The following SLC23A3 variants were observed in gnomAD, a reference collection of about 807,000 sequenced individuals.
SLC23A3 encodes the protein E2-binding protein 3.
SLC23A3 carries 41 observed loss-of-function variants against 64.7 expected under a neutral mutation model. That is an observed-to-expected ratio of 0.63 (90% CI 0.49 to 0.82). The LOEUF (loss-of-function observed/expected upper bound fraction) is 0.82, where lower values mean the gene tolerates loss of function less well. Ranked by LOEUF, SLC23A3 falls within the 40% of genes least tolerant of loss-of-function variation. The pLI is 0.00. For synonymous variants in SLC23A3, 281 were observed against 306.8 expected, an observed-to-expected ratio of 0.92 and a Z score of 0.88; for missense variants, 647 against 733.4, an observed-to-expected ratio of 0.88 and a Z score of 1.36.
intron 7 of SLC23A3, among the ~76,000 whole-genome samples, chr2:219,166,522 T>A (rs891142954): frequency 7.9e-4 from 120 of 151,332 alleles, no homozygotes; most frequent in African/African-American, 2.8e-3. Flanking sequence ...ATTTTATTTA[T>A]TTTATTTTAA....
intron 7 of SLC23A3, among the ~76,000 whole-genome samples, chr2:219,167,588 CAAAAAAAAAAAA>C (rs34130254): frequency 1.6e-5 from 1 of 61,082 alleles, no homozygotes; most frequent in East Asian, 6.3e-4. Flanking sequence ...CCTGTCTCTA[CAAAAAAAAAAAA>C]AAAAAAAAAA....
In SLC23A3 at chr2:219,167,963, T is replaced by G. The variant is rs377600430; in HGVS notation, c.880A>C (p.Thr294Pro). 2.1e-5 allele frequency: 34 copies of G among 1,583,920 alleles called. No individual in the cohort carries two copies. Among genetic ancestry groups the G allele is most frequent in the Non-Finnish European group, 2.8e-5 (33 of 1,171,904 alleles). ...SVIPQELSAP[T>P]KAPWIWLPHP... Reference sequence around the variant, plus strand: ...GGCAGCCAAATCCATGGTGCCTTGGTGGGGGCAGACAGTTCCTGGGGGATA... The same window carrying G: ...GGCAGCCAAATCCATGGTGCCTTGGGGGGGGCAGACAGTTCCTGGGGGATA... Residue 294 changes from threonine to proline, a missense_variant, in exon 7 of 12, where the codon ACC becomes CCC. By Grantham distance (38) the Thr-to-Pro change is conservative. Transcript: ENST00000409878.
chr2:219,162,260 G>A (rs768229752), intron 11 of SLC23A3, 39 bp downstream of exon 11: 1 of 1,613,674 alleles, frequency 6.2e-7, no homozygotes, highest in Admixed American at 1.7e-5. Flanking sequence ...ATGGCTTCCT[G>A]GCCACTCCCC....
chr2:219,168,840 G>T lies in SLC23A3; in HGVS notation c.493-7C>A. On this transcript the variant is annotated splice_region_variant and splice_polypyrimidine_tract_variant and intron_variant, in intron 4 of 11. Coordinates refer to ENST00000409878, the MANE Select transcript of SLC23A3 (RefSeq NM_001144889.2). ...CTACCACTGCCCCGGACACCTGGTA[G>T]AAGAGAGGAGAGGATGGAGAGAAAA... 1 of 1,576,862 alleles carries T rather than the reference G, an allele frequency of 6.3e-7. No individual in the cohort carries two copies. The highest frequency in any genetic ancestry group is 8.6e-7 in the Non-Finnish European group (1 of 1,161,914).
intron 5 of SLC23A3, 71 bp downstream of exon 5, chr2:219,168,581 G>T: frequency 6.8e-7 from 1 of 1,468,432 alleles, no homozygotes; most frequent in Non-Finnish European, 9.3e-7. Flanking sequence ...AGGACCAGCA[G>T]TTCTGCCCTC....
chr2:219,165,737 C>T (rs1949999638), intron 7 of SLC23A3, among the ~76,000 whole-genome samples: 1 of 152,260 alleles, frequency 6.6e-6, no homozygotes, highest in African/African-American at 2.4e-5. Context: ...AGGGCCTTTG[C>T]ATATGCAGTT....
intron 8 of SLC23A3, chr2:219,164,623 G>T (rs189807803): frequency 2.3e-4 from 71 of 309,048 alleles, no homozygotes; most frequent in Non-Finnish European, 2.1e-4. Context: ...GCAGTGGTGC[G>T]GTCTCGGCTC....
chr2:219,168,098 C>T, intron 6 of SLC23A3, 54 bp from the exon 7 acceptor site: 3 of 1,570,970 alleles, frequency 1.9e-6, no homozygotes, highest in Non-Finnish European at 2.6e-6. Context: ...CTGAGCCAGC[C>T]TTGCAGGGGT....
intron 10 of SLC23A3, among the ~76,000 whole-genome samples, chr2:219,163,176 C>T (rs1949966740): frequency 6.6e-6 from 1 of 152,220 alleles, no homozygotes; most frequent in Non-Finnish European, 1.5e-5. Context: ...TGTTATTTTC[C>T]TACACATCTC....
intron 6 of SLC23A3, 45 bp downstream of exon 6, chr2:219,168,150 G>A (rs1228724413): frequency 6.2e-6 from 10 of 1,606,998 alleles, no homozygotes; most frequent in African/African-American, 2.7e-5. Flanking sequence ...AGCACTCCAG[G>A]CCAGCCCTTC....
rs1389687140 is a variant in SLC23A3, at chr2:219,161,821, T to G, written c.*88A>C. ...ATGTAATACACACACACATATCCTC[T>G]GCCTACAAGAAAGAACAGTTTGGGA... On this transcript the variant is annotated 3_prime_UTR_variant, in exon 12 of 12. Transcript: ENST00000409878. The G allele has an allele frequency of 9.3e-6, 13 of 1,401,088 alleles. No individual in the cohort carries two copies. The highest frequency in any genetic ancestry group is 1.2e-5 in the Non-Finnish European group (12 of 1,031,068). 86.8% of individuals were successfully genotyped at this position (1,401,088 alleles called of 1,614,324 possible).
intron 5 of SLC23A3, 96 bp downstream of exon 5, chr2:219,168,556 G>A (rs1346784971): frequency 5.7e-5 from 73 of 1,271,142 alleles, no homozygotes; most frequent in Non-Finnish European, 7.8e-5. Flanking sequence ...TATTCCAGTC[G>A]CTGCTGAATC....
chr2:219,165,103 A>G, intron 8 of SLC23A3, 66 bp downstream of exon 8: 1 of 1,523,124 alleles, frequency 6.6e-7, no homozygotes, highest in South Asian at 1.2e-5. Context: ...CAATCGGTGT[A>G]AGTTCCTGTC....
intron 8 of SLC23A3, 150 bp from the exon 9 acceptor site, chr2:219,164,488 C>T (rs1392821997): frequency 6.8e-6 from 4 of 586,632 alleles, no homozygotes; most frequent in Non-Finnish European, 9.2e-6. Context: ...AACGTGCCTC[C>T]TTTCCATCCC....
chr2:219,165,584 C>G (rs1366846720), intron 7 of SLC23A3, among the ~76,000 whole-genome samples, 162 bp from the exon 8 acceptor site: 1 of 152,248 alleles, frequency 6.6e-6, no homozygotes, highest in East Asian at 1.9e-4. Flanking sequence ...CATGCCTTTA[C>G]CATGGTCTAC....
intron 8 of SLC23A3, 51 bp downstream of exon 8, chr2:219,165,118 T>C: frequency 1.3e-6 from 2 of 1,534,406 alleles, no homozygotes; most frequent in South Asian, 1.2e-5. Context: ...CCTGTCCTTC[T>C]TCTTCCCCTC....
intron 7 of SLC23A3, 31 bp from the exon 8 acceptor site, chr2:219,165,453 C>T (rs1003691376): frequency 1.4e-5 from 22 of 1,535,168 alleles, no homozygotes; most frequent in Non-Finnish European, 1.6e-5. Flanking sequence ...ACTTTGGGGC[C>T]AGACTCAAGT....
In SLC23A3 at chr2:219,169,695, G is replaced by A. The variant is rs1950042344; in HGVS notation, c.163-17C>T. The A allele has an allele frequency of 1.2e-6, 2 of 1,613,720 alleles. No homozygotes were observed. Among genetic ancestry groups the A allele is most frequent in the African/African-American group, 2.7e-5 (2 of 74,908 alleles). On this transcript the variant is annotated splice_polypyrimidine_tract_variant and intron_variant, in intron 1 of 11. Transcript: ENST00000409878. The surrounding 1 kb of genome is among the most constrained non-coding windows in gnomAD (Gnocchi z 4.5). ...CAAGACATGCTGCAGGTGGAGGAAT[G>A]GGGAGGGCAGTCTTCAGAGAAGTGG...
In SLC23A3 at chr2:219,162,450, G is replaced by A. The variant is rs900881831; in HGVS notation, c.1442-56C>T. ...AACTCTGATCCTATATCCAAGCCCA[G>A]GAGTCTTACCCTCCCAGACCTAAAC... is the stretch of plus-strand genomic sequence containing the variant. On this transcript the variant is annotated intron_variant, in intron 10 of 11. Transcript: ENST00000409878. 2.2e-6 allele frequency: 3 copies of A among 1,355,438 alleles called. No individual in the cohort carries two copies. The Admixed American group carries it at 5.5e-5, about 25-fold the overall frequency. The allele number at this position is 1,355,438 out of a possible 1,614,324, so 84.0% of individuals were successfully genotyped here.
Sources: allele counts gnomAD v4.1 joint callset (sites outside exome capture counted in the v4.1 genomes callset), GRCh38; gene constraint gnomAD v4.1.1; non-coding constraint Gnocchi (gnomAD v3.1); transcripts MANE v1.5; gene names NCBI Gene and HGNC (gene_info 2026-07-23, HGNC 2026-07-21).